EBF1: variants seen among roughly 807,000 people sequenced by gnomAD.
EBF1 encodes transcription factor COE1.
In EBF1, 10 loss-of-function variants were observed where a neutral mutation model predicts 68.4. The ratio of observed to expected loss-of-function variants is 0.15; its 90% CI spans 0.09 to 0.25. The LOEUF is 0.25. Among genes scored for constraint, EBF1 ranks in the 10% least tolerant of loss-of-function variants. The pLI is 1.00. For missense variants in EBF1, 509 were observed against 794.4 expected (o/e 0.64, Z 4.32); for synonymous variants, 298 against 299.8 (o/e 0.99, Z 0.06).
At chr5:159,081,743 G>A (rs145789512) in intron 5 of EBF1, among the ~76,000 whole-genome samples, 277 of 152,248 alleles carry the variant, frequency 1.8e-3, no homozygotes, top group East Asian at 0.014. Context: ...CACTGACCAA[G>A]CATAGTTCTT....
At chr5:159,068,745 C>T (rs1394291172) in intron 6 of EBF1, among the ~76,000 whole-genome samples, 1 of 151,966 alleles carries the variant, frequency 6.6e-6, no homozygotes, top group Non-Finnish European at 1.5e-5. Context: ...TAAAACAAAC[C>T]CAATTCGTGT....
intron 6 of EBF1, among the ~76,000 whole-genome samples, chr5:158,969,904 G>GAA (rs143280142): frequency 4.7e-5 from 5 of 105,688 alleles, no homozygotes; most frequent in African/African-American, 7.0e-5. Context: ...AAGAAAGAAA[G>GAA]AAAGAAAGAA....
intron 6 of EBF1, among the ~76,000 whole-genome samples, chr5:158,937,441 G>A (rs72643433): frequency 0.2 from 30,775 of 152,082 alleles, 4,058 homozygotes; most frequent in South Asian, 0.49. Context: ...AAGGGTTCCC[G>A]CAGCACCAGC....
intron 6 of EBF1, among the ~76,000 whole-genome samples, chr5:158,852,756 T>C (rs966084448): frequency 2.6e-5 from 4 of 152,190 alleles, no homozygotes; most frequent in Admixed American, 6.5e-5. Flanking sequence ...ATAAGGATGC[T>C]GATGGAAAAT....
chr5:158,763,189 G>C (rs1369868529), intron 10 of EBF1, among the ~76,000 whole-genome samples: 1 of 152,170 alleles, frequency 6.6e-6, no homozygotes, highest in Non-Finnish European at 1.5e-5. Flanking sequence ...AGGGTCCACA[G>C]ACATTTTGTG....
chr5:159,022,098 G>T (rs1204590879), intron 6 of EBF1, among the ~76,000 whole-genome samples: 1 of 147,656 alleles, frequency 6.8e-6, no homozygotes, highest in African/African-American at 2.5e-5. Flanking sequence ...GTTTCATCTG[G>T]TTTCAACATC....
At position 158,912,559 on chromosome 5, in the gene EBF1, T is replaced by C. The variant is rs376155331; in HGVS notation, c.555-72449A>G. On this transcript the variant is annotated intron_variant, in intron 6 of 15. Coordinates refer to ENST00000313708, the MANE Select transcript of EBF1 (RefSeq NM_024007.5). ...CCCAGGCCTACTGAACTAGAATCCC[T>C]TGGTACAAGGGCCTGGAGATGTGTA... 4.1e-3 allele frequency among the ~76,000 whole-genome samples: 626 copies of C among 152,256 alleles called. 4 individuals carry two copies. The highest frequency in any genetic ancestry group is 0.014 in the African/African-American group (592 of 41,544).
chr5:158,958,557 A>C (rs139400000), intron 6 of EBF1, among the ~76,000 whole-genome samples: 1 of 152,228 alleles, frequency 6.6e-6, no homozygotes, highest in Non-Finnish European at 1.5e-5. Context: ...CCTGATTAGC[A>C]TCAAGGCAAA....
Position 158,977,646 on chromosome 5 carries a change from C to T in EBF1, c.554+95750G>A, listed in dbSNP as rs1757046937. On this transcript the variant is annotated intron_variant, in intron 6 of 15. Coordinates refer to ENST00000313708, the MANE Select transcript of EBF1 (RefSeq NM_024007.5). ...CATGGGATATGCACTATTAATTTCACAATTAAACTTATCTGTGTCATGTGC... is the reference window on the plus strand; with the variant it reads ...CATGGGATATGCACTATTAATTTCATAATTAAACTTATCTGTGTCATGTGC... Among the ~76,000 whole-genome samples, 6 of 152,284 alleles carry T rather than the reference C, an allele frequency of 3.9e-5. No homozygotes were observed. In the South Asian group the frequency reaches 1.2e-3, roughly 32 times the overall value.
chr5:158,966,378 G>T (rs1754105283), intron 6 of EBF1, among the ~76,000 whole-genome samples: 1 of 152,098 alleles, frequency 6.6e-6, no homozygotes, highest in African/African-American at 2.4e-5. Flanking sequence ...CCAATTTGAT[G>T]ATCACTTTTT....
At chr5:159,004,604 G>A (rs1763196740) in intron 6 of EBF1, among the ~76,000 whole-genome samples, 1 of 152,236 alleles carries the variant, frequency 6.6e-6, no homozygotes, top group African/African-American at 2.4e-5. Context: ...TGAGTAGAAA[G>A]GTAGTTATTG....
chr5:158,739,709 A>C (rs554995141), intron 10 of EBF1, among the ~76,000 whole-genome samples: 1 of 152,286 alleles, frequency 6.6e-6, no homozygotes, highest in Admixed American at 6.5e-5. Context: ...CCCTACTGGC[A>C]TAGTTTCTGA....
Position 159,004,803 on chromosome 5 carries a change from C to T in EBF1, c.554+68593G>A, listed in dbSNP as rs1404690292. 3.3e-5 allele frequency among the ~76,000 whole-genome samples: 5 copies of T among 152,118 alleles called. No homozygotes were observed. In the East Asian group the frequency reaches 7.7e-4, roughly 23 times the overall value. On this transcript the variant is annotated intron_variant, in intron 6 of 15. Transcript: ENST00000313708. ...AAGGAAGGCTAAGAGTCTTGATAAG[C>T]TTGAGGTGGAAGTGGCAATGCTGCT...
At chr5:158,994,260 C>T (rs1561737798) in intron 6 of EBF1, among the ~76,000 whole-genome samples, 1 of 152,150 alleles carries the variant, frequency 6.6e-6, no homozygotes. Context: ...ATGAATAGAC[C>T]AAAGAACACT....
At chr5:158,975,315 AGTACATACC>A (rs1561679519) in intron 6 of EBF1, among the ~76,000 whole-genome samples, 1 of 152,224 alleles carries the variant, frequency 6.6e-6, no homozygotes, top group Non-Finnish European at 1.5e-5. Flanking sequence ...CCTAATACTT[AGTACATACC>A]GTATGCTGTG....
At chr5:159,001,559 C>T (rs975241500) in intron 6 of EBF1, among the ~76,000 whole-genome samples, 6 of 152,204 alleles carry the variant, frequency 3.9e-5, no homozygotes, top group African/African-American at 1.4e-4. Context: ...CCCCACCTCA[C>T]AAGGCTGTTA....
intron 6 of EBF1, among the ~76,000 whole-genome samples, chr5:158,867,935 C>G (rs1002582956): frequency 1.3e-5 from 2 of 152,086 alleles, no homozygotes; most frequent in African/African-American, 4.8e-5. Context: ...TACTTGCCTA[C>G]AAAACTCAGA....
intron 7 of EBF1, among the ~76,000 whole-genome samples, chr5:158,838,179 C>T (rs577999177): frequency 1.6e-3 from 241 of 152,154 alleles, no homozygotes; most frequent in Non-Finnish European, 2.6e-3. Flanking sequence ...GGCGCAGTGG[C>T]TCACGCCTGT....
At chr5:159,053,457 C>T (rs770395708) in intron 6 of EBF1, among the ~76,000 whole-genome samples, 1 of 152,256 alleles carries the variant, frequency 6.6e-6, no homozygotes, top group African/African-American at 2.4e-5. Context: ...TAATTTTACT[C>T]TGCCTCTGGC....
Sources: gnomAD v4.1 joint callset for allele counts (sites outside exome capture counted in the v4.1 genomes callset) on GRCh38, gnomAD v4.1.1 for gene constraint, MANE v1.5 for transcripts, NCBI Gene and HGNC (gene_info 2026-07-23, HGNC 2026-07-21) for gene names.